The following NRCAM variants were observed in gnomAD, a reference collection of about 807,000 sequenced individuals.
NRCAM encodes NgCAM-related cell adhesion molecule.
NRCAM carries 83 observed loss-of-function variants against 156.5 expected under a neutral mutation model. That is an observed-to-expected ratio of 0.53 (90% confidence interval 0.44 to 0.64). The LOEUF (loss-of-function observed/expected upper bound fraction) is 0.64, where lower values mean the gene tolerates loss of function less well. Among genes scored for constraint, NRCAM ranks in the 30% least tolerant of loss-of-function variants. NRCAM has a pLI of 0.00. For missense variants in NRCAM, 1,417 were observed against 1,597.3 expected (o/e 0.89, Z 1.92); for synonymous variants, 538 against 563.9 (o/e 0.95, Z 0.65).
At chr7:108,333,360 T>G (rs925234020) in intron 2 of NRCAM, among the ~76,000 whole-genome samples, 1 of 152,186 alleles carries the variant, frequency 6.6e-6, no homozygotes, top group African/African-American at 2.4e-5. Flanking sequence ...AAGTTTATTT[T>G]TTAAATAACT....
At chr7:108,170,287 T>A (rs1244644842) in intron 28 of NRCAM, among the ~76,000 whole-genome samples, 1 of 152,098 alleles carries the variant, frequency 6.6e-6, no homozygotes, top group Non-Finnish European at 1.5e-5. Context: ...AGTAAAATAA[T>A]CCAGACACAG....
At chr7:108,268,895 G>A (rs1563035004) in intron 3 of NRCAM, among the ~76,000 whole-genome samples, 1 of 152,218 alleles carries the variant, frequency 6.6e-6, no homozygotes, top group Non-Finnish European at 1.5e-5. Flanking sequence ...GCCGGGCACT[G>A]CTCTCCTGCT....
chr7:108,211,795 C>A (rs1017380248), intron 11 of NRCAM, among the ~76,000 whole-genome samples: 58 of 152,250 alleles, frequency 3.8e-4, no homozygotes, highest in African/African-American at 1.3e-3. Flanking sequence ...GCCCTACCCC[C>A]ACCTGAGGGG....
chr7:108,406,393 G>T (rs1489861574), intron 1 of NRCAM, among the ~76,000 whole-genome samples: 1 of 152,172 alleles, frequency 6.6e-6, no homozygotes, highest in East Asian at 1.9e-4. Context: ...CTCATGTAAA[G>T]GGTTGGGAAT....
chr7:108,281,417 T>TA (rs145322085), intron 3 of NRCAM, among the ~76,000 whole-genome samples: 3,730 of 152,206 alleles, frequency 0.025, 181 homozygotes, highest in African/African-American at 0.085. Context: ...CATAAATTAC[T>TA]AAAATACAAG....
intron 1 of NRCAM, among the ~76,000 whole-genome samples, chr7:108,415,063 A>G (rs1243908891): frequency 6.6e-6 from 1 of 152,106 alleles, no homozygotes; most frequent in East Asian, 1.9e-4. Context: ...AAAATACTCC[A>G]TTTCTTAGGA....
At chr7:108,436,699 C>G (rs1349249081) in intron 1 of NRCAM, among the ~76,000 whole-genome samples, 1 of 152,116 alleles carries the variant, frequency 6.6e-6, no homozygotes. Flanking sequence ...ACTACAAATA[C>G]TTTTTAAAAA....
chr7:108,424,514 C>A (rs1814470838), intron 1 of NRCAM, among the ~76,000 whole-genome samples: 1 of 152,160 alleles, frequency 6.6e-6, no homozygotes, highest in African/African-American at 2.4e-5. Flanking sequence ...CAGAAAGGGG[C>A]ACTTTACACA....
intron 2 of NRCAM, among the ~76,000 whole-genome samples, chr7:108,329,620 T>C (rs1027240738): frequency 2.6e-5 from 4 of 152,166 alleles, no homozygotes; most frequent in Admixed American, 2.6e-4. Flanking sequence ...GAACAATGGG[T>C]GAATATATTT....
chr7:108,155,570 G>C (rs2044842332), intron 32 of NRCAM, among the ~76,000 whole-genome samples: 1 of 151,964 alleles, frequency 6.6e-6, no homozygotes, highest in South Asian at 2.1e-4. Context: ...TCCTGCTTCT[G>C]TTCCCTTGGT....
chr7:108,318,498 C>G (rs67412291), intron 2 of NRCAM, among the ~76,000 whole-genome samples: 34,723 of 152,124 alleles, frequency 0.23, 4,279 homozygotes, highest in African/African-American at 0.28. Flanking sequence ...TTCCCTTTCT[C>G]AAAGTAATAT....
At position 108,182,820 on chromosome 7, in the gene NRCAM, T is replaced by A. The variant is rs979566081; in HGVS notation, c.2405A>T (p.Asn802Ile). The A allele has an allele frequency of 6.2e-7, 1 of 1,614,126 alleles. No individual in the cohort carries two copies. The highest frequency in any genetic ancestry group is 8.5e-7 in the Non-Finnish European group (1 of 1,180,048). Reference protein sequence around the residue: ...DDEWTSVVVANVSKYIVSGTP... With the variant: ...DDEWTSVVVAIVSKYIVSGTP... ...GCCTGAGACAATATATTTGGATACA[T>A]TTGCCACAACCACAGATGTCCATTC... The change falls in exon 23 of 33, where the codon AAT becomes ATT. Residue 802 changes from asparagine (N) to isoleucine (I), a missense_variant. Physicochemically the swap from Asn to Ile is moderately radical, Grantham distance 149. Coordinates refer to ENST00000379028, the MANE Select transcript of NRCAM (RefSeq NM_001037132.4).
At chr7:108,303,304 G>A (rs1276937583) in intron 3 of NRCAM, among the ~76,000 whole-genome samples, 2 of 152,058 alleles carry the variant, frequency 1.3e-5, no homozygotes, top group African/African-American at 4.8e-5. Context: ...ACCACCATCT[G>A]TCCAGTCTCT....
upstream of NRCAM, chr7:108,456,574 C>T (rs951876467): frequency 2.0e-5 from 3 of 152,334 alleles, no homozygotes; most frequent in African/African-American, 4.8e-5. Context: ...TCCTCCGCCT[C>T]CTCCCCTCCT....
At chr7:108,428,825 T>C (rs200124450) in intron 1 of NRCAM, among the ~76,000 whole-genome samples, 227 of 152,300 alleles carry the variant, frequency 1.5e-3, no homozygotes, top group Non-Finnish European at 2.7e-3. Flanking sequence ...TCCTGTTTGG[T>C]TGGCAGAAGA....
intron 3 of NRCAM, among the ~76,000 whole-genome samples, chr7:108,282,780 G>A (rs571667771): frequency 2.6e-5 from 4 of 152,272 alleles, no homozygotes; most frequent in Admixed American, 6.5e-5. Context: ...ACATCTCAAC[G>A]TAGAAACAAT....
intron 3 of NRCAM, among the ~76,000 whole-genome samples, chr7:108,271,671 T>A (rs2300007): frequency 1.3e-5 from 2 of 150,588 alleles, no homozygotes; most frequent in South Asian, 4.2e-4. Flanking sequence ...CCAGCCTGGG[T>A]GACAACAGTG....
intron 2 of NRCAM, among the ~76,000 whole-genome samples, chr7:108,374,115 T>C (rs2099648293): frequency 2.6e-5 from 4 of 152,094 alleles, no homozygotes; most frequent in Non-Finnish European, 5.9e-5. Flanking sequence ...CCTACTGACA[T>C]AACCTAATAC....
At chr7:108,332,284 G>T (rs181953369) in intron 2 of NRCAM, among the ~76,000 whole-genome samples, 1 of 152,194 alleles carries the variant, frequency 6.6e-6, no homozygotes, top group Admixed American at 6.5e-5. Context: ...GCATCATGAT[G>T]CTGAGTTAAG....
Sources: gnomAD v4.1 joint callset for allele counts (sites outside exome capture counted in the v4.1 genomes callset) on GRCh38, gnomAD v4.1.1 for gene constraint, MANE v1.5 for transcripts, NCBI Gene and HGNC (gene_info 2026-07-23, HGNC 2026-07-21) for gene names.